Variants in SPIRE1 observed in about 807,000 individuals in gnomAD.
SPIRE1 encodes spire type actin nucleation factor 1, also known as protein spire homolog 1.
A neutral mutation model predicts 94.1 loss-of-function variants in SPIRE1; 40 were observed. The ratio of observed to expected loss-of-function variants is 0.43; its 90% CI spans 0.33 to 0.55. The LOEUF (loss-of-function observed/expected upper bound fraction) is 0.55, where lower values mean the gene tolerates loss of function less well. Ranked by LOEUF, SPIRE1 falls within the 20% of genes least tolerant of loss-of-function variation. SPIRE1 has a pLI of 0.06. For missense variants in SPIRE1, 838 were observed against 975.2 expected (o/e 0.86, Z 1.87); for synonymous variants, 376 against 371.7 (o/e 1.01, Z -0.13).
chr18:12,556,742 C>T (rs1288040793), intron 2 of SPIRE1, among the ~76,000 whole-genome samples: 1 of 152,164 alleles, frequency 6.6e-6, no homozygotes, highest in Admixed American at 6.5e-5. Context: ...AGTGAAGCTG[C>T]AGACCTTGGC....
chr18:12,586,548 T>C (rs543526308), intron 2 of SPIRE1, among the ~76,000 whole-genome samples: 119 of 152,326 alleles, frequency 7.8e-4, no homozygotes, highest in Non-Finnish European at 1.3e-3. Context: ...CTCTCAGTCA[T>C]GGCATCTGCT....
At chr18:12,502,402 G>A (rs1011927293) in intron 6 of SPIRE1, among the ~76,000 whole-genome samples, 2 of 152,048 alleles carry the variant, frequency 1.3e-5, no homozygotes, top group Admixed American at 6.6e-5. Context: ...AATTCCTTCT[G>A]GATAAGGAGG....
At chr18:12,594,487 T>C (rs1467879014) in intron 2 of SPIRE1, among the ~76,000 whole-genome samples, 1 of 152,218 alleles carries the variant, frequency 6.6e-6, no homozygotes, top group African/African-American at 2.4e-5. Flanking sequence ...AGCTAGGTAG[T>C]TGAAAAATTA....
At chr18:12,648,782 C>T (rs564718479) in intron 1 of SPIRE1, among the ~76,000 whole-genome samples, 81 of 147,894 alleles carry the variant, frequency 5.5e-4, no homozygotes, top group Non-Finnish European at 1.1e-3. Flanking sequence ...CCCAGCTACT[C>T]GGGAGGCTGA....
chr18:12,462,334 T>G (rs868791223), intron 12 of SPIRE1, among the ~76,000 whole-genome samples: 2 of 152,374 alleles, frequency 1.3e-5, no homozygotes, highest in African/African-American at 4.8e-5. Flanking sequence ...ATTCAATATA[T>G]TCTATTATTT....
In SPIRE1 at chr18:12,509,921, C is replaced by G. The variant is rs184497492; in HGVS notation, c.807+2533G>C. ...CCAACATGGTGAAACCCTGTCTCTA[C>G]TAAAAATACAAAAATTAGCTGGGTG... is the stretch of plus-strand genomic sequence containing the variant. On this transcript the variant is annotated intron_variant, in intron 5 of 16. Coordinates refer to ENST00000409402, the MANE Select transcript of SPIRE1 (RefSeq NM_001128626.2). 1.1e-4 allele frequency among the ~76,000 whole-genome samples: 17 copies of G among 152,000 alleles called. No individual in the cohort carries two copies. In the South Asian group the frequency reaches 1.3e-3, roughly 11 times the overall value.
At chr18:12,646,170 C>T (rs2038219832) in intron 1 of SPIRE1, among the ~76,000 whole-genome samples, 1 of 152,126 alleles carries the variant, frequency 6.6e-6, no homozygotes, top group South Asian at 2.1e-4. Context: ...ATCTCCAAGC[C>T]TTTCCACTTG....
At chr18:12,658,686 C>A (rs934422237), upstream of SPIRE1, 1 of 442,690 alleles carries the variant, frequency 2.3e-6, no homozygotes, top group Non-Finnish European at 4.8e-6. Context: ...TGAAAGCCTC[C>A]GGCAGTTTCC....
intron 2 of SPIRE1, among the ~76,000 whole-genome samples, chr18:12,569,760 C>T (rs1251480099): frequency 6.6e-6 from 1 of 152,132 alleles, no homozygotes; most frequent in Non-Finnish European, 1.5e-5. Flanking sequence ...CCCTTGCCCC[C>T]TTGGACATTT....
rs570513909 is a variant in SPIRE1 at position 12,450,721 on chromosome 18, G to A, written c.2013-825C>T. On this transcript the variant is annotated intron_variant, in intron 16 of 16. Coordinates refer to ENST00000409402, the MANE Select transcript of SPIRE1 (RefSeq NM_001128626.2). ...GCAAGAAGAAGGATCCTAATGCCCC[G>A]AAAAAGCCACCGTCTGGATTCTTCC... 31 of 659,904 alleles carry A rather than the reference G, an allele frequency of 4.7e-5. No homozygotes were observed. In the East Asian group the frequency reaches 7.0e-4, roughly 15 times the overall value. 40.9% of individuals were successfully genotyped at this position (659,904 alleles called of 1,614,324 possible). A position where few individuals can be genotyped will look rare whatever the true frequency, so the allele number is the denominator to read the frequency against.
intron 2 of SPIRE1, among the ~76,000 whole-genome samples, chr18:12,549,514 C>T (rs778799956): frequency 1.6e-5 from 2 of 126,332 alleles, no homozygotes; most frequent in Non-Finnish European, 3.1e-5. Flanking sequence ...TGTAGTGGCG[C>T]GATCTCGGCT....
rs180785078 is a variant in SPIRE1, at chr18:12,502,097, G to A, written c.972+4380C>T. Among the ~76,000 whole-genome samples, 277 of 152,280 alleles carry A rather than the reference G, an allele frequency of 1.8e-3. 1 individual carries two copies. Among genetic ancestry groups the A allele is most frequent in the African/African-American group, 6.4e-3 (267 of 41,544 alleles). On this transcript the variant is annotated intron_variant, in intron 6 of 16. Coordinates refer to ENST00000409402, the MANE Select transcript of SPIRE1 (RefSeq NM_001128626.2). ...TACTTCCCTAAGCCTCATCTAGGGT[G>A]CTTATAACATACAGATTCCTAGACT...
chr18:12,525,565 C>T (rs2034497461), intron 4 of SPIRE1, among the ~76,000 whole-genome samples: 1 of 151,806 alleles, frequency 6.6e-6, no homozygotes, highest in Non-Finnish European at 1.5e-5. Flanking sequence ...TCACATCAAG[C>T]ATTTATGGGG....
intron 2 of SPIRE1, among the ~76,000 whole-genome samples, chr18:12,562,627 C>T (rs975045645): frequency 1.3e-5 from 2 of 151,642 alleles, no homozygotes; most frequent in African/African-American, 4.8e-5. Flanking sequence ...CATGCATTAG[C>T]TATTTTTCCT....
At chr18:12,555,262 C>T (rs944041220) in intron 2 of SPIRE1, among the ~76,000 whole-genome samples, 3 of 151,560 alleles carry the variant, frequency 2.0e-5, no homozygotes, top group Non-Finnish European at 2.9e-5. Context: ...AAACAGAATC[C>T]CTGGCACTTT....
chr18:12,623,540 C>A (rs6505759), intron 2 of SPIRE1, among the ~76,000 whole-genome samples: 137,008 of 152,304 alleles, frequency 0.9, 61,893 homozygotes, highest in Non-Finnish European at 0.95. Context: ...AGATCCCATC[C>A]GCATTGCATT....
chr18:12,651,824 C>T (rs1231571758), intron 1 of SPIRE1, among the ~76,000 whole-genome samples: 2 of 152,144 alleles, frequency 1.3e-5, no homozygotes, highest in African/African-American at 4.8e-5. Context: ...TGATCGTATC[C>T]TCTTTTCAAA....
chr18:12,506,667 A>G (rs2033846696), intron 5 of SPIRE1, 26 bp from the exon 6 acceptor site: 1 of 1,608,742 alleles, frequency 6.2e-7, no homozygotes, highest in Non-Finnish European at 8.5e-7. Context: ...ATAGAGAGAC[A>G]TCAATGAATA....
intron 1 of SPIRE1, among the ~76,000 whole-genome samples, chr18:12,641,005 A>G (rs2144848045): frequency 1.3e-5 from 2 of 152,264 alleles, no homozygotes; most frequent in Middle Eastern, 3.4e-3. Context: ...GGAGGCTACT[A>G]TCATTGTACT....
Sources: allele counts gnomAD v4.1 joint callset (sites outside exome capture counted in the v4.1 genomes callset), GRCh38; gene constraint gnomAD v4.1.1; transcripts MANE v1.5; gene names NCBI Gene and HGNC (gene_info 2026-07-23, HGNC 2026-07-21).